The following PKIB variants were observed in gnomAD, a reference collection of about 807,000 sequenced individuals.
PKIB encodes the protein PKI-beta.
In PKIB, 2 loss-of-function variants were observed where a neutral mutation model predicts 4.5. The observed-to-expected ratio is 0.44, with a 90% CI of 0.18 to 1.39. The LOEUF (loss-of-function observed/expected upper bound fraction) is 1.39. PKIB is among the 40% of genes most tolerant of loss of function. The probability of loss-of-function intolerance (pLI) is 0.27; values close to 1 mark genes in which losing one functional copy is unlikely to be tolerated. For missense variants in PKIB, 94 were observed against 92.6 expected (o/e 1.02, Z -0.06); for synonymous variants, 38 against 36.0 (o/e 1.06, Z -0.20).
At chr6:122,538,250 G>C (rs1253086767) in intron 2 of PKIB, among the ~76,000 whole-genome samples, 1 of 152,030 alleles carries the variant, frequency 6.6e-6, no homozygotes, top group Non-Finnish European at 1.5e-5. Flanking sequence ...TGAAGTCCTT[G>C]CCCATGCCTA....
intron 2 of PKIB, among the ~76,000 whole-genome samples, chr6:122,674,443 G>A (rs941286441): frequency 1.2e-4 from 18 of 152,008 alleles, no homozygotes; most frequent in African/African-American, 4.1e-4. Flanking sequence ...GCATACCGAC[G>A]GTTCATACTC....
chr6:122,606,982 C>CTT (rs1774558604), upstream of PKIB, among the ~76,000 whole-genome samples: 1 of 151,924 alleles, frequency 6.6e-6, no homozygotes, highest in Non-Finnish European at 1.5e-5. Flanking sequence ...CTGATTCTTG[C>CTT]TTCACCCATG....
intron 2 of PKIB, among the ~76,000 whole-genome samples, chr6:122,497,008 A>G (rs1776092513): frequency 6.6e-6 from 1 of 152,246 alleles, no homozygotes. Context: ...AGGCAACCGC[A>G]TCAGGCTAAA....
chr6:122,623,713 G>A (rs1775325945), intron 1 of PKIB, among the ~76,000 whole-genome samples: 2 of 151,936 alleles, frequency 1.3e-5, no homozygotes, highest in South Asian at 2.1e-4. Flanking sequence ...CACTTTACAC[G>A]CATACATATA....
chr6:122,564,093 G>T (rs541869988), intron 2 of PKIB, among the ~76,000 whole-genome samples: 29 of 152,238 alleles, frequency 1.9e-4, no homozygotes, highest in African/African-American at 6.7e-4. Context: ...AACTTCTCCC[G>T]CAAACAGACC....
intron 1 of PKIB, among the ~76,000 whole-genome samples, chr6:122,611,558 C>A (rs940018394): frequency 1.3e-5 from 2 of 152,176 alleles, no homozygotes; most frequent in African/African-American, 4.8e-5. Flanking sequence ...CAGTGGTTTG[C>A]ATACTGAAAG....
chr6:122,585,061 G>A (rs1442149730), intron 2 of PKIB, among the ~76,000 whole-genome samples: 3 of 152,032 alleles, frequency 2.0e-5, no homozygotes, highest in Non-Finnish European at 4.4e-5. Flanking sequence ...ATTAAAAGTG[G>A]GTATACATAT....
intron 3 of PKIB, among the ~76,000 whole-genome samples, chr6:122,690,502 TAAAC>T (rs540340983): frequency 1.5e-3 from 227 of 152,238 alleles, no homozygotes; most frequent in African/African-American, 4.9e-3. Flanking sequence ...ACTAATTGCA[TAAAC>T]AAACAAACAA....
intron 3 of PKIB, among the ~76,000 whole-genome samples, chr6:122,705,739 G>T (rs1309341597): frequency 2.0e-5 from 3 of 151,746 alleles, no homozygotes; most frequent in South Asian, 4.2e-4. Context: ...CTAATTTTTT[G>T]TATTTTTAGT....
intron 2 of PKIB, among the ~76,000 whole-genome samples, chr6:122,553,315 A>T (rs1200255136): frequency 1.3e-5 from 2 of 152,014 alleles, no homozygotes; most frequent in Non-Finnish European, 2.9e-5. Flanking sequence ...ATTAAAAGTA[A>T]TGACCAAAAC....
At chr6:122,483,244 A>G (rs1303120038) in intron 2 of PKIB, 1 of 152,192 alleles carries the variant, frequency 6.6e-6, no homozygotes, top group African/African-American at 2.4e-5. Context: ...TGAAAATTTG[A>G]TGGAAGTAAT....
chr6:122,540,276 G>A (rs527646859), intron 2 of PKIB, among the ~76,000 whole-genome samples: 1 of 151,980 alleles, frequency 6.6e-6, no homozygotes, highest in South Asian at 2.1e-4. Context: ...TGATGTTAGG[G>A]TGTCAATTCT....
intron 1 of PKIB, among the ~76,000 whole-genome samples, chr6:122,629,784 T>C (rs1775618533): frequency 6.6e-6 from 1 of 152,168 alleles, no homozygotes; most frequent in South Asian, 2.1e-4. Flanking sequence ...CAAATCCCAA[T>C]TGAAAGGCAT....
intron 2 of PKIB, among the ~76,000 whole-genome samples, chr6:122,516,972 G>T (rs183831185): frequency 2.4e-4 from 37 of 152,294 alleles, no homozygotes; most frequent in African/African-American, 8.4e-4. Flanking sequence ...CACCCATAGT[G>T]TGGGAATGGT....
intron 2 of PKIB, among the ~76,000 whole-genome samples, chr6:122,648,909 A>G (rs933280448): frequency 6.6e-6 from 1 of 152,084 alleles, no homozygotes. Context: ...TTCCTTGTTG[A>G]GTGGAAGTCC....
At chr6:122,699,367 A>C (rs1356967869) in intron 3 of PKIB, among the ~76,000 whole-genome samples, 1 of 152,180 alleles carries the variant, frequency 6.6e-6, no homozygotes, top group Non-Finnish European at 1.5e-5. Flanking sequence ...CAAATGGATC[A>C]TATTAGCCTA....
At chr6:122,487,201 G>A (rs980849454) in intron 2 of PKIB, among the ~76,000 whole-genome samples, 1 of 152,154 alleles carries the variant, frequency 6.6e-6, no homozygotes, top group Non-Finnish European at 1.5e-5. Context: ...GGGTCCAATA[G>A]AGGATTATGT....
At chr6:122,706,799 G>A (rs908427231) in intron 3 of PKIB, among the ~76,000 whole-genome samples, 14 of 151,834 alleles carry the variant, frequency 9.2e-5, no homozygotes, top group African/African-American at 3.4e-4. Flanking sequence ...AGAAAATTTG[G>A]AAAAAAGTAA....
chr6:122,662,317 T>TTTTTTC (rs1777032807), intron 2 of PKIB, among the ~76,000 whole-genome samples: 1 of 106,782 alleles, frequency 9.4e-6, no homozygotes, highest in Non-Finnish European at 1.9e-5. Flanking sequence ...CCTTTTTTTT[T>TTTTTTC]TTTTTTTTTT....
Sources: gnomAD v4.1 joint callset for allele counts (sites outside exome capture counted in the v4.1 genomes callset) on GRCh38, gnomAD v4.1.1 for gene constraint, MANE v1.5 for transcripts, NCBI Gene and HGNC (gene_info 2026-07-23, HGNC 2026-07-21) for gene names.